FRA10AC1: variants seen among roughly 807,000 people sequenced by gnomAD.
The protein encoded by FRA10AC1 is FRA10A associated CGG repeat 1, also known as protein FRA10AC1.
FRA10AC1 carries 43 observed loss-of-function variants against 56.5 expected under a neutral mutation model. That is an observed-to-expected ratio of 0.76 (90% CI 0.60 to 0.98). FRA10AC1 has a LOEUF of 0.98. Ranked by LOEUF, FRA10AC1 falls within the 50% of genes least tolerant of loss-of-function variation. FRA10AC1 has a pLI of 0.00. For synonymous variants in FRA10AC1, 112 were observed against 110.5 expected, an observed-to-expected ratio of 1.01 and a Z score of -0.09; for missense variants, 346 against 351.8, an observed-to-expected ratio of 0.98 and a Z score of 0.13.
At position 93,669,939 on chromosome 10, in the gene FRA10AC1, T is replaced by A. The variant is rs114574048; in HGVS notation, c.906-71A>T. On this transcript the variant is annotated intron_variant, in intron 13 of 13. Transcript: ENST00000359204. The stretch of plus-strand genomic sequence containing the variant: ...TTACTACATGATACATTATATGAGA[T>A]TAATAAAAATAAAATACTTTAAGTC... 2.0e-4 allele frequency: 150 copies of A among 762,330 alleles called. No individual in the cohort carries two copies. In the African/African-American group the frequency reaches 2.5e-3, roughly 13 times the overall value. The allele number at this position is 762,330 out of a possible 1,614,324, so 47.2% of individuals were successfully genotyped here.
intron 4 of FRA10AC1, 53 bp from the exon 5 acceptor site, chr10:93,694,990 T>C: frequency 3.3e-6 from 3 of 920,366 alleles, no homozygotes; most frequent in Middle Eastern, 2.3e-4. Flanking sequence ...TTTGGTGTCA[T>C]AATATATTGC....
At chr10:93,694,725 A>G in intron 5 of FRA10AC1, 136 bp downstream of exon 5, 1 of 332,784 alleles carries the variant, frequency 3.0e-6, no homozygotes, top group South Asian at 3.7e-5. Flanking sequence ...AAAAAAAAAA[A>G]AAAAAAAAAA....
rs773302193 is a variant in FRA10AC1 at position 93,669,616 on chromosome 10, A to G, written c.*210T>C. On this transcript the variant is annotated 3_prime_UTR_variant, in exon 14 of 14. Transcript: ENST00000359204. ...AAACAGAATTGTAGATAAGCAATTGAAAAGATATTTAAAGGACAGGAAAGT... is the reference window on the plus strand; with the variant it reads ...AAACAGAATTGTAGATAAGCAATTGGAAAGATATTTAAAGGACAGGAAAGT... 8 of 535,036 alleles carry G rather than the reference A, an allele frequency of 1.5e-5. No individual in the cohort carries two copies. The highest frequency in any genetic ancestry group is 2.3e-5 in the Non-Finnish European group (7 of 300,150). 33.1% of individuals were successfully genotyped at this position (535,036 alleles called of 1,614,324 possible).
chr10:93,675,680 G>A (rs996679555), intron 12 of FRA10AC1: 11 of 366,358 alleles, frequency 3.0e-5, no homozygotes, highest in South Asian at 1.9e-5. Context: ...ACTCCAACCT[G>A]GGTGAAAGAG....
intron 11 of FRA10AC1, among the ~76,000 whole-genome samples, chr10:93,676,948 C>CA (rs1011938871): frequency 5.9e-5 from 9 of 151,438 alleles, no homozygotes; most frequent in East Asian, 1.9e-4. Flanking sequence ...TGAATACCTG[C>CA]AAAAAAAATC....
At chr10:93,682,432 T>A (rs191747087) in intron 10 of FRA10AC1, among the ~76,000 whole-genome samples, 11 of 152,306 alleles carry the variant, frequency 7.2e-5, no homozygotes, top group Admixed American at 2.6e-4. Flanking sequence ...AAAGTCAAGG[T>A]CAAAACAAAT....
rs1350961984 is a variant in FRA10AC1 at position 93,668,709 on chromosome 10, T to G, written c.*1117A>C. The G allele has an allele frequency of 1.3e-5, 2 of 152,416 alleles. No individual in the cohort carries two copies. The highest frequency in any genetic ancestry group is 2.9e-5 in the Non-Finnish European group (2 of 68,244). 9.4% of individuals were successfully genotyped at this position (152,416 alleles called of 1,614,324 possible). A position where few individuals can be genotyped will look rare whatever the true frequency, so the allele number is the denominator to read the frequency against. On this transcript the variant is annotated 3_prime_UTR_variant, in exon 14 of 14. Transcript: ENST00000359204. Reference sequence around the variant, plus strand: ...AGAAGGATGCAAAAGCAGAAGCCCCTGATAAAACCATCAGATCTTGTGAGA... The same window carrying G: ...AGAAGGATGCAAAAGCAGAAGCCCCGGATAAAACCATCAGATCTTGTGAGA...
At chr10:93,693,483 T>TATATATATATATATATATATATATACACC (rs1564820014) in intron 5 of FRA10AC1, among the ~76,000 whole-genome samples, 10 of 9,092 alleles carry the variant, frequency 1.1e-3, no homozygotes, top group East Asian at 0.021. Context: ...GGTGTGTGTG[T>TATATATATATATATATATATATATACACC]ATATATATAT....
chr10:93,695,771 T>G (rs1211805013), intron 4 of FRA10AC1, among the ~76,000 whole-genome samples: 7 of 151,514 alleles, frequency 4.6e-5, no homozygotes. Flanking sequence ...ACCAAATACC[T>G]GGAGATCTGG....
Position 93,692,718 on chromosome 10 carries a change from T to C in FRA10AC1, c.308A>G (p.Lys103Arg). The C allele has an allele frequency of 6.3e-7, 1 of 1,583,078 alleles. No homozygotes were observed. Among genetic ancestry groups the C allele is most frequent in the Non-Finnish European group, 8.6e-7 (1 of 1,167,610 alleles). ...EDFKRLGEND[K>R]TDLDVIRENH... ...TTCTCGTATAACATCCAAGTCTGTC[T>C]TGTCATTTTCCCTGGAAAACAGAAC... The change falls in exon 6 of 14, where the codon AAG (lysine) becomes AGG (arginine). Residue 103 changes from lysine to arginine, a missense_variant. By Grantham distance (26) the Lys-to-Arg change is conservative. Coordinates refer to ENST00000359204, the MANE Select transcript of FRA10AC1 (RefSeq NM_145246.5).
chr10:93,685,532 G>C, intron 8 of FRA10AC1, 173 bp from the exon 9 acceptor site: 1 of 405,202 alleles, frequency 2.5e-6, no homozygotes, highest in South Asian at 4.0e-5. Context: ...TCAAATCAAA[G>C]TACTGTTACC....
intron 4 of FRA10AC1, among the ~76,000 whole-genome samples, chr10:93,696,400 A>G (rs1277584503): frequency 6.6e-6 from 1 of 152,216 alleles, no homozygotes; most frequent in African/African-American, 2.4e-5. Flanking sequence ...CAAACAACCC[A>G]GAGAAAACTG....
At position 93,694,936 on chromosome 10, in the gene FRA10AC1, T is replaced by G. The variant is rs1276451237; in HGVS notation, c.221A>C (p.Tyr74Ser). ...ATTTACGAACTTTGTATGTCTTTGA[T>G]ACTGAAATGCAAAAAATTAAGGATT... ...RRFHLIAMDA[Y>S]QRHTKFVNDY... The change falls in exon 5 of 14, where the codon TAT becomes TCT. Residue 74 changes from tyrosine (Y) to serine (S), a missense_variant and splice_region_variant. Coordinates refer to ENST00000359204, the MANE Select transcript of FRA10AC1 (RefSeq NM_145246.5). 4 of 1,427,636 alleles carry G rather than the reference T, an allele frequency of 2.8e-6. No homozygotes were observed. In the East Asian group the frequency reaches 9.1e-5, roughly 32 times the overall value. The allele number at this position is 1,427,636 out of a possible 1,614,324, so 88.4% of individuals were successfully genotyped here. A position where few individuals can be genotyped will look rare whatever the true frequency, so the allele number is the denominator to read the frequency against.
chr10:93,689,785 C>T (rs989492181), intron 7 of FRA10AC1, among the ~76,000 whole-genome samples: 10 of 152,164 alleles, frequency 6.6e-5, no homozygotes, highest in African/African-American at 2.2e-4. Context: ...GGATTTGGTG[C>T]TGAGCCTCCT....
chr10:93,680,622 A>AAT (rs1479143026), intron 11 of FRA10AC1, among the ~76,000 whole-genome samples: 2 of 152,196 alleles, frequency 1.3e-5, no homozygotes, highest in African/African-American at 2.4e-5. Flanking sequence ...CTCCTGTCCA[A>AAT]ATATTATATT....
chr10:93,692,814 T>G, intron 5 of FRA10AC1, 85 bp from the exon 6 acceptor site: 1 of 702,160 alleles, frequency 1.4e-6, no homozygotes, highest in Non-Finnish European at 2.3e-6. Context: ...TTGGAAAATT[T>G]TATTAAAAAT....
intron 10 of FRA10AC1, among the ~76,000 whole-genome samples, chr10:93,683,800 T>C (rs1239585830): frequency 1.3e-5 from 2 of 152,180 alleles, no homozygotes; most frequent in East Asian, 1.9e-4. Flanking sequence ...TGTCAGAACA[T>C]TGGCTCCAAA....
At chr10:93,687,792 G>A (rs2059057384) in intron 7 of FRA10AC1, 1 of 164,048 alleles carries the variant, frequency 6.1e-6, no homozygotes, top group Non-Finnish European at 1.3e-5. Context: ...ACAGCCTTTG[G>A]AGTCAGATTA....
intron 12 of FRA10AC1, chr10:93,673,762 T>G (rs1460025370): frequency 4.4e-6 from 2 of 452,026 alleles, no homozygotes; most frequent in African/African-American, 4.0e-5. Context: ...ATACTTTACA[T>G]GTATGTTTTC....
Sources: allele counts gnomAD v4.1 joint callset (sites outside exome capture counted in the v4.1 genomes callset), GRCh38; gene constraint gnomAD v4.1.1; transcripts MANE v1.5; gene names NCBI Gene and HGNC (gene_info 2026-07-23, HGNC 2026-07-21).